STK24: variants seen among roughly 807,000 people sequenced by gnomAD.
STK24 encodes the protein serine/threonine kinase 24, also known as serine/threonine-protein kinase 24.
Under a neutral mutation model 55.6 loss-of-function variants are expected in STK24, and 21 were observed. The observed-to-expected ratio is 0.38, with a 90% CI of 0.27 to 0.54. The LOEUF is 0.54. Among genes scored for constraint, STK24 ranks in the 20% least tolerant of loss-of-function variants. STK24 has a pLI of 0.79. For missense variants in STK24, 383 were observed against 538.4 expected (o/e 0.71, Z 2.86); for synonymous variants, 200 against 215.2 (o/e 0.93, Z 0.62).
At chr13:98,473,829 C>G (rs1894260390) in intron 5 of STK24, among the ~76,000 whole-genome samples, 1 of 152,248 alleles carries the variant, frequency 6.6e-6, no homozygotes, top group Non-Finnish European at 1.5e-5. Flanking sequence ...CGCTTTCTAA[C>G]AGTCTATAGC....
chr13:98,574,159 G>A (rs1897815253), intron 1 of STK24, among the ~76,000 whole-genome samples: 1 of 152,116 alleles, frequency 6.6e-6, no homozygotes, highest in Admixed American at 6.5e-5. Flanking sequence ...TTACAGGCGT[G>A]TGCCACCACG....
Position 98,446,265 on chromosome 13 carries a change from G to A in STK24, c.*6908C>T, listed in dbSNP as rs1380242528. On this transcript the variant is annotated 3_prime_UTR_variant, in exon 11 of 11. Transcript: ENST00000539966. ...CCTTGGGGGTGGCAGCATGAGGTGA[G>A]GGGGCCGCCCTCCTCTGGAATGACT... is the stretch of plus-strand genomic sequence containing the variant. 9.1e-7 allele frequency: 1 copy of A among 1,099,948 alleles called. No homozygotes were observed. Among genetic ancestry groups the A allele is most frequent in the African/African-American group, 1.5e-5 (1 of 64,810 alleles). 68.1% of individuals were successfully genotyped at this position (1,099,948 alleles called of 1,614,324 possible). A position where few individuals can be genotyped will look rare whatever the true frequency, so the allele number is the denominator to read the frequency against.
At chr13:98,504,352 T>C (rs1451911577) in intron 2 of STK24, among the ~76,000 whole-genome samples, 2 of 152,358 alleles carry the variant, frequency 1.3e-5, no homozygotes, top group Non-Finnish European at 1.5e-5. Flanking sequence ...TTCCAGTCTG[T>C]AGCTTTGCTC....
At chr13:98,512,030 G>A (rs1895898417) in intron 2 of STK24, among the ~76,000 whole-genome samples, 1 of 151,626 alleles carries the variant, frequency 6.6e-6, no homozygotes, top group Admixed American at 6.6e-5. Flanking sequence ...GACTACAGGT[G>A]CGTGCCACCA....
rs1458907928 is a variant in STK24 at position 98,447,449 on chromosome 13, C to T, written c.*5724G>A. 6.6e-6 allele frequency: 1 copy of T among 152,434 alleles called. No homozygotes were observed. The highest frequency in any genetic ancestry group is 2.4e-5 in the African/African-American group (1 of 41,418). 9.4% of individuals were successfully genotyped at this position (152,434 alleles called of 1,614,324 possible). ...TGGGTTGATCAAAGTTGGGATTTTG[C>T]TATTATTGTGACAAAGGGTCCAGCC... On this transcript the variant is annotated 3_prime_UTR_variant, in exon 11 of 11. Transcript: ENST00000539966.
intron 5 of STK24, among the ~76,000 whole-genome samples, chr13:98,471,895 A>C (rs1894164692): frequency 6.6e-6 from 1 of 152,146 alleles, no homozygotes; most frequent in Non-Finnish European, 1.5e-5. Flanking sequence ...CCCTGTCCCC[A>C]ATAGCTGGAA....
intron 5 of STK24, among the ~76,000 whole-genome samples, chr13:98,470,242 G>C (rs971636642): frequency 4.6e-5 from 7 of 152,156 alleles, no homozygotes; most frequent in Non-Finnish European, 8.8e-5. Flanking sequence ...CTCCTGGATA[G>C]CTGGGACTAT....
intron 1 of STK24, among the ~76,000 whole-genome samples, chr13:98,531,622 G>A (rs1896581469): frequency 6.6e-6 from 1 of 152,152 alleles, no homozygotes; most frequent in Non-Finnish European, 1.5e-5. Flanking sequence ...GACTTAATAA[G>A]AAGTTTAAGG....
chr13:98,576,597 C>T, intron 1 of STK24, 148 bp downstream of exon 1: 1 of 560,808 alleles, frequency 1.8e-6, no homozygotes, highest in Non-Finnish European at 2.7e-6. Context: ...GACTCGGACT[C>T]GGACCCCCGG....
intron 1 of STK24, among the ~76,000 whole-genome samples, chr13:98,567,975 C>T (rs1288047367): frequency 4.0e-5 from 6 of 148,772 alleles, no homozygotes; most frequent in Non-Finnish European, 8.9e-5. Flanking sequence ...GAAGACAACG[C>T]TAAACCGGAG....
At chr13:98,556,247 T>C (rs1897286985) in intron 1 of STK24, among the ~76,000 whole-genome samples, 1 of 152,238 alleles carries the variant, frequency 6.6e-6, no homozygotes. Flanking sequence ...TTAAGGACTA[T>C]GCTAGGACGC....
At chr13:98,463,007 A>G (rs1893777642) in intron 7 of STK24, among the ~76,000 whole-genome samples, 1 of 152,186 alleles carries the variant, frequency 6.6e-6, no homozygotes, top group Non-Finnish European at 1.5e-5. Flanking sequence ...TTAAACTGGA[A>G]TCACCTAGAG....
Position 98,446,626 on chromosome 13 carries a change from T to C in STK24, c.*6547A>G, listed in dbSNP as rs764223770. 13 of 1,607,590 alleles carry C rather than the reference T, an allele frequency of 8.1e-6. No homozygotes were observed. In the African/African-American group the frequency reaches 1.2e-4, roughly 15 times the overall value. ...AGCAGCCAGGCCCAGCAGCAGAAGC[T>C]GACCCCGAAAAGCCACTTTGCTTTG... is the stretch of plus-strand genomic sequence containing the variant. On this transcript the variant is annotated 3_prime_UTR_variant, in exon 11 of 11. Transcript: ENST00000539966.
intron 1 of STK24, chr13:98,553,131 AATTT>A (rs1390821218): frequency 6.6e-6 from 1 of 152,204 alleles, no homozygotes; most frequent in African/African-American, 2.4e-5. Context: ...TCTAAAAAAA[AATTT>A]ATTTAAAAAA....
At chr13:98,576,211 C>G in intron 1 of STK24, 4 of 985,454 alleles carry the variant, frequency 4.1e-6, no homozygotes, top group Non-Finnish European at 4.8e-6. Context: ...TTACCTTCCT[C>G]CACTCCACCC....
chr13:98,490,226 T>C (rs16955577), intron 2 of STK24, among the ~76,000 whole-genome samples: 37 of 152,332 alleles, frequency 2.4e-4, no homozygotes, highest in Middle Eastern at 3.4e-3. Flanking sequence ...TGTGCACAGA[T>C]ATAAACCTTT....
At chr13:98,502,519 C>A (rs1180603591) in intron 2 of STK24, among the ~76,000 whole-genome samples, 1 of 152,230 alleles carries the variant, frequency 6.6e-6, no homozygotes, top group East Asian at 1.9e-4. Context: ...GAGGTGGGGC[C>A]TTATAAGAGG....
intron 1 of STK24, among the ~76,000 whole-genome samples, chr13:98,535,394 TGTATACACACACACACACAC>T (rs1896699290): frequency 1.9e-5 from 2 of 104,084 alleles, no homozygotes; most frequent in African/African-American, 7.6e-5. Flanking sequence ...TATATATGTG[TGTATACACACACACACACAC>T]ACACACACAC....
In STK24 at chr13:98,446,700, G is replaced by A. The variant is rs764577993; in HGVS notation, c.*6473C>T. On this transcript the variant is annotated 3_prime_UTR_variant, in exon 11 of 11. Coordinates refer to ENST00000539966, the MANE Select transcript of STK24 (RefSeq NM_001032296.4). ...CCCCTTGCCAGCCTGCCTCTGCTCG[G>A]CTACTCGCTCACCATCCCCTCTGAG... 1.2e-6 allele frequency: 2 copies of A among 1,614,004 alleles called. No individual in the cohort carries two copies. Among genetic ancestry groups the A allele is most frequent in the Non-Finnish European group, 1.7e-6 (2 of 1,179,982 alleles).
Sources: gnomAD v4.1 joint callset for allele counts (sites outside exome capture counted in the v4.1 genomes callset) on GRCh38, gnomAD v4.1.1 for gene constraint, MANE v1.5 for transcripts, NCBI Gene and HGNC (gene_info 2026-07-23, HGNC 2026-07-21) for gene names.